The following CPA4 variants were observed in gnomAD, a reference collection of about 807,000 sequenced individuals.
CPA4 encodes the protein carboxypeptidase A3.
CPA4 carries 49 observed loss-of-function variants against 54.7 expected under a neutral mutation model. The observed-to-expected ratio is 0.90, with a 90% confidence interval of 0.71 to 1.14. The LOEUF is 1.14. CPA4 is among the 50% of genes most tolerant of loss of function. The pLI is 0.00. For synonymous variants in CPA4, 215 were observed against 206.8 expected (o/e 1.04, Z -0.34); for missense variants, 487 against 525.1 (o/e 0.93, Z 0.71).
rs374516163 is a variant in CPA4 at position 130,305,845 on chromosome 7, G to A, written c.516G>A (p.Pro172=). ...KFSTGKGVRR[P]AVWLNAGIHS... ...GCACTGGGAAAGGCGTGAGGCGGCC[G>A]GCCGTTTGGCTGAATGCAGGCATCC... Residue 172 remains proline, a synonymous_variant, in exon 6 of 11, where the codon CCG becomes CCA. Transcript: ENST00000222482. 95 of 1,614,024 alleles carry A rather than the reference G, an allele frequency of 5.9e-5. No homozygotes were observed. The highest frequency in any genetic ancestry group is 2.8e-4 in the African/African-American group (21 of 74,932).
intron 10 of CPA4, among the ~76,000 whole-genome samples, chr7:130,313,085 T>A (rs905584614): frequency 9.9e-5 from 15 of 152,190 alleles, no homozygotes; most frequent in Non-Finnish European, 1.9e-4. Flanking sequence ...TATAAAAGGA[T>A]GAAGGGCAGC....
Position 130,305,775 on chromosome 7 carries a change from C to T in CPA4, c.487-41C>T, listed in dbSNP as rs373689363. 85 of 1,407,682 alleles carry T rather than the reference C, an allele frequency of 6.0e-5. 1 individual carries two copies. The highest frequency in any genetic ancestry group is 1.3e-4 in the African/African-American group (9 of 70,876). 87.2% of individuals were successfully genotyped at this position (1,407,682 alleles called of 1,614,324 possible). A position where few individuals can be genotyped will look rare whatever the true frequency, so the allele number is the denominator to read the frequency against. ...GAGAGAGGAGAAGTGAGCAGAGATG[C>T]GGGCAGGCGGTCATTTTCGAGCCTT... On this transcript the variant is annotated intron_variant, in intron 5 of 10. Transcript: ENST00000222482.
chr7:130,319,453 A>G (rs1794050506), intron 10 of CPA4, among the ~76,000 whole-genome samples: 1 of 152,210 alleles, frequency 6.6e-6, no homozygotes, highest in Non-Finnish European at 1.5e-5. Flanking sequence ...GCCAAGGGAA[A>G]ACTTCCCCTT....
At position 130,299,396 on chromosome 7, in the gene CPA4, G is replaced by T; in HGVS notation, c.277G>T (p.Asp93Tyr). The T allele has an allele frequency of 6.2e-7, 1 of 1,614,116 alleles. No homozygotes were observed. The highest frequency in any genetic ancestry group is 1.1e-5 in the South Asian group (1 of 91,074). Residue 93 changes from aspartate (D) to tyrosine (Y), a missense_variant, in exon 3 of 11, where the codon GAC becomes TAC. Asp to Tyr is a radical substitution (Grantham distance 160). Transcript: ENST00000222482. ...CTTAGAGTACGCAGTGACAATTGAG[G>T]ACCTGCAGGTAGGTAGACTATGCCT... ...QGLEYAVTIE[D>Y]LQALLDNEDD...
intron 10 of CPA4, among the ~76,000 whole-genome samples, chr7:130,318,011 G>A (rs1640119324): frequency 6.6e-6 from 1 of 152,190 alleles, no homozygotes; most frequent in Non-Finnish European, 1.5e-5. Context: ...ATCAGATGAT[G>A]TTGGTGTTTG....
intron 1 of CPA4, 114 bp downstream of exon 1, chr7:130,293,362 T>C: frequency 1.4e-6 from 1 of 738,748 alleles, no homozygotes. Flanking sequence ...TGGGCTCTTG[T>C]TCCAGCTTTG....
rs148139296 is a variant in CPA4, at chr7:130,311,496, C to T, written c.993+510C>T. Among the ~76,000 whole-genome samples, 38 of 152,294 alleles carry T rather than the reference C, an allele frequency of 2.5e-4. No homozygotes were observed. In the East Asian group the frequency reaches 5.2e-3, roughly 21 times the overall value. ...GCAGATGCAGCCCCTCCCAGGCTCA[C>T]GGCAAAGTGCGGGCTTGATTCTGCT... is the stretch of plus-strand genomic sequence containing the variant. On this transcript the variant is annotated intron_variant, in intron 9 of 10. Coordinates refer to ENST00000222482, the MANE Select transcript of CPA4 (RefSeq NM_016352.4).
At chr7:130,293,834 C>T (rs1488577569) in intron 1 of CPA4, among the ~76,000 whole-genome samples, 1 of 152,134 alleles carries the variant, frequency 6.6e-6, no homozygotes, top group Admixed American at 6.5e-5. Context: ...CTTGCCTAGA[C>T]ACAGCTATGA....
chr7:130,308,242 C>A, intron 7 of CPA4, 65 bp from the exon 8 acceptor site: 1 of 1,397,486 alleles, frequency 7.2e-7, no homozygotes, highest in Non-Finnish European at 1.0e-6. Context: ...TCATCTCCAC[C>A]CTAGCCCTCT....
At chr7:130,312,817 C>G (rs1793934729) in intron 10 of CPA4, among the ~76,000 whole-genome samples, 1 of 152,036 alleles carries the variant, frequency 6.6e-6, no homozygotes, top group Admixed American at 6.6e-5. Context: ...GAGCTTATCG[C>G]AGGCTCAGAA....
At chr7:130,302,315 C>T (rs1292521219) in intron 4 of CPA4, among the ~76,000 whole-genome samples, 9 of 151,892 alleles carry the variant, frequency 5.9e-5, no homozygotes, top group African/African-American at 4.8e-5. Flanking sequence ...GGTGAAACCC[C>T]GTCTCAACTA....
chr7:130,314,838 G>A (rs771108412), intron 10 of CPA4, among the ~76,000 whole-genome samples: 17 of 152,072 alleles, frequency 1.1e-4, no homozygotes, highest in Non-Finnish European at 8.8e-5. Flanking sequence ...GTTAGGAAGC[G>A]ACGAAAGTTT....
chr7:130,322,469 T>G lies in CPA4; in HGVS notation c.1079-20T>G. ...AGGAGGGAACTGGGCTTCAAGAGTG[T>G]TTTGTCCTCCGACTTACAGATCCAG... On this transcript the variant is annotated intron_variant, in intron 10 of 10. Transcript: ENST00000222482. The G allele has an allele frequency of 3.7e-6, 6 of 1,605,114 alleles. No individual in the cohort carries two copies. The highest frequency in any genetic ancestry group is 5.1e-6 in the Non-Finnish European group (6 of 1,174,846).
intron 3 of CPA4, 65 bp from the exon 4 acceptor site, chr7:130,300,751 T>G: frequency 9.0e-7 from 1 of 1,115,550 alleles, no homozygotes; most frequent in Non-Finnish European, 1.4e-6. Flanking sequence ...TGCAAAGATA[T>G]GGCAGAAAAA....
In CPA4 at chr7:130,312,081, C is replaced by T. The variant is rs372282809; in HGVS notation, c.1037C>T (p.Ser346Leu). ...GCGGCCAAAGCTCTGGCTTCTGTGTCGGGCACTGAGTACCAAGTGGGTCCC... is the reference window on the plus strand; with the variant it reads ...GCGGCCAAAGCTCTGGCTTCTGTGTTGGGCACTGAGTACCAAGTGGGTCCC... ...RLAAKALASV[S>L]GTEYQVGPTC... The change falls in exon 10 of 11, where the codon TCG becomes TTG. Residue 346 changes from serine (S) to leucine (L), a missense_variant. Physicochemically the swap from Ser to Leu is moderately radical, Grantham distance 145. Coordinates refer to ENST00000222482, the MANE Select transcript of CPA4 (RefSeq NM_016352.4). 73 of 1,614,082 alleles carry T rather than the reference C, an allele frequency of 4.5e-5. 1 individual carries two copies. Among genetic ancestry groups the T allele is most frequent in the Middle Eastern group, 3.3e-4 (2 of 6,062 alleles).
At chr7:130,318,757 G>C (rs1794032412) in intron 10 of CPA4, among the ~76,000 whole-genome samples, 6 of 151,986 alleles carry the variant, frequency 3.9e-5, no homozygotes, top group Admixed American at 2.0e-4. Flanking sequence ...TTCTTTATAG[G>C]CCTTGTCTGT....
rs1793789793 is a variant in CPA4, at chr7:130,304,567, G to GT, written c.475dup (p.Tyr159LeufsTer43). ...GACATTCGTTTGAAAACCGGCCGATGTATGTACTGAAGGTGAGGCCACATG... is the reference window on the plus strand; with the variant it reads ...GACATTCGTTTGAAAACCGGCCGATGTTATGTACTGAAGGTGAGGCCACATG... On this transcript the variant is annotated frameshift_variant, in exon 5 of 11. Coordinates refer to ENST00000222482, the MANE Select transcript of CPA4 (RefSeq NM_016352.4). LOFTEE classifies it high-confidence loss of function. 1 of 1,608,234 alleles carries GT rather than the reference G, an allele frequency of 6.2e-7. No individual in the cohort carries two copies.
intron 1 of CPA4, among the ~76,000 whole-genome samples, chr7:130,296,878 C>T (rs1160324776): frequency 4.0e-5 from 6 of 151,676 alleles, no homozygotes; most frequent in Admixed American, 1.3e-4. Flanking sequence ...TATGATAGAG[C>T]GTGAGTTCAG....
At chr7:130,302,220 C>T (rs964885376) in intron 4 of CPA4, among the ~76,000 whole-genome samples, 2 of 152,186 alleles carry the variant, frequency 1.3e-5, no homozygotes, top group African/African-American at 4.8e-5. Context: ...GGCATGGTGG[C>T]TCACACCTGT....
Sources: gnomAD v4.1 joint callset for allele counts (sites outside exome capture counted in the v4.1 genomes callset) on GRCh38, gnomAD v4.1.1 for gene constraint, MANE v1.5 for transcripts, NCBI Gene and HGNC (gene_info 2026-07-23, HGNC 2026-07-21) for gene names.